Variants in GPHN observed in about 807,000 individuals in gnomAD.
The protein encoded by GPHN is gephyrin.
In GPHN, 17 loss-of-function variants were observed where a neutral mutation model predicts 95.5. That is an observed-to-expected ratio of 0.18 (90% CI 0.12 to 0.27). The LOEUF is 0.27. Among genes scored for constraint, GPHN ranks in the 10% least tolerant of loss-of-function variants. GPHN has a pLI of 1.00. For synonymous variants in GPHN, 320 were observed against 322.5 expected (o/e 0.99, Z 0.08); for missense variants, 660 against 978.1 (o/e 0.67, Z 4.34).
At chr14:66,844,146 A>G (rs72728688) in intron 4 of GPHN, among the ~76,000 whole-genome samples, 3,683 of 152,236 alleles carry the variant, frequency 0.024, 69 homozygotes, top group Non-Finnish European at 0.036. Context: ...CTTTGAGAAT[A>G]TCATTTCTCA....
the GPHN span, among the ~76,000 whole-genome samples, chr14:67,190,998 C>A: frequency 6.6e-6 from 1 of 152,332 alleles, no homozygotes; most frequent in Admixed American, 6.5e-5. Context: ...CTTTGGGAGG[C>A]TGAGGCAGGT....
chr14:67,378,469 T>G, the GPHN span, among the ~76,000 whole-genome samples: 1 of 152,132 alleles, frequency 6.6e-6, no homozygotes, highest in African/African-American at 2.4e-5. Context: ...AAGCTGAGAT[T>G]AAATAATTTG....
At chr14:67,686,353 A>T in the GPHN span, 3 of 152,342 alleles carry the variant, frequency 2.0e-5, no homozygotes, top group East Asian at 3.9e-4. Flanking sequence ...AGAGTGCCTG[A>T]TGCAGCTGGG....
intron 12 of GPHN, among the ~76,000 whole-genome samples, chr14:67,095,617 A>C (rs890458054): frequency 3.3e-5 from 5 of 151,880 alleles, no homozygotes; most frequent in African/African-American, 4.8e-5. Context: ...CGATGAGTTC[A>C]TGTCCTTTGT....
the GPHN span, among the ~76,000 whole-genome samples, chr14:67,485,311 G>A: frequency 2.0e-5 from 3 of 152,076 alleles, no homozygotes; most frequent in Non-Finnish European, 4.4e-5. Flanking sequence ...CACCACCCTG[G>A]CTACAAATCA....
At chr14:67,209,126 G>C in the GPHN span, among the ~76,000 whole-genome samples, 1 of 152,306 alleles carries the variant, frequency 6.6e-6, no homozygotes, top group South Asian at 2.1e-4. Flanking sequence ...TTCAATGGCA[G>C]AGTTTACGTG....
chr14:67,598,582 C>T, the GPHN span, among the ~76,000 whole-genome samples: 32 of 152,128 alleles, frequency 2.1e-4, no homozygotes, highest in African/African-American at 7.2e-4. Flanking sequence ...TCTATTTCCT[C>T]CTCCTCACAT....
At chr14:66,827,727 T>C (rs2061434463) in intron 4 of GPHN, among the ~76,000 whole-genome samples, 1 of 152,138 alleles carries the variant, frequency 6.6e-6, no homozygotes, top group East Asian at 1.9e-4. Context: ...CTTTAGAATC[T>C]TGTTAAATTA....
the GPHN span, among the ~76,000 whole-genome samples, chr14:67,573,054 T>A: frequency 6.6e-6 from 1 of 152,238 alleles, no homozygotes; most frequent in Non-Finnish European, 1.5e-5. This position sits in a 1 kb window ranked among gnomAD's most constrained non-coding sequence, Gnocchi z 4.8. Context: ...CTTCCCCAGC[T>A]AGCATGGGAG....
At chr14:67,618,965 A>C in the GPHN span, among the ~76,000 whole-genome samples, 1 of 152,352 alleles carries the variant, frequency 6.6e-6, no homozygotes. Context: ...TATGTAAAAA[A>C]TTAATTTGGT....
chr14:67,585,400 G>C, the GPHN span: 1 of 593,302 alleles, frequency 1.7e-6, no homozygotes, highest in African/African-American at 1.9e-5. Flanking sequence ...AAGCAGCCTT[G>C]TCTATTTCCT....
intron 2 of GPHN, among the ~76,000 whole-genome samples, chr14:66,716,113 A>G (rs2153424902): frequency 6.6e-6 from 1 of 152,138 alleles, no homozygotes; most frequent in East Asian, 1.9e-4. Context: ...AAAGTTCCCC[A>G]CTATTATTGT....
the GPHN span, among the ~76,000 whole-genome samples, chr14:67,407,493 T>G: frequency 6.6e-6 from 1 of 151,534 alleles, no homozygotes; most frequent in Non-Finnish European, 1.5e-5. Flanking sequence ...GAGGCTGGAG[T>G]GCAGTGGCAT....
At chr14:66,689,882 C>T (rs999948680) in intron 2 of GPHN, among the ~76,000 whole-genome samples, 12 of 151,586 alleles carry the variant, frequency 7.9e-5, no homozygotes, top group East Asian at 1.9e-4. Context: ...TGTCATTTTT[C>T]CATTCTGATT....
At chr14:67,392,707 A>C in the GPHN span, 1 of 1,614,104 alleles carries the variant, frequency 6.2e-7, no homozygotes, top group Non-Finnish European at 8.5e-7. Flanking sequence ...GCTCGGCCAG[A>C]TCCCCAGAGC....
chr14:67,609,975 C>G, the GPHN span, among the ~76,000 whole-genome samples: 2 of 152,118 alleles, frequency 1.3e-5, no homozygotes, highest in Non-Finnish European at 2.9e-5. Context: ...TCCTTTCAAC[C>G]TTGGGAGGGA....
intron 4 of GPHN, among the ~76,000 whole-genome samples, chr14:66,840,150 G>T (rs1253118253): frequency 6.6e-6 from 1 of 151,964 alleles, no homozygotes; most frequent in African/African-American, 2.4e-5. Flanking sequence ...ATGATGACAT[G>T]CCCCTGTAAT....
At chr14:66,540,940 AT>A (rs762497506) in intron 1 of GPHN, among the ~76,000 whole-genome samples, 1 of 150,518 alleles carries the variant, frequency 6.6e-6, no homozygotes, top group African/African-American at 2.4e-5. Flanking sequence ...TGCCTGGCTA[AT>A]TTTTTTTTCT....
At chr14:67,359,603 C>A in the GPHN span, 10 of 1,604,700 alleles carry the variant, frequency 6.2e-6, no homozygotes, top group African/African-American at 1.2e-4. Flanking sequence ...TCTGAAGGGA[C>A]CGCGCTCCGG....
Sources: allele counts gnomAD v4.1 joint callset (sites outside exome capture counted in the v4.1 genomes callset), GRCh38; gene constraint gnomAD v4.1.1; non-coding constraint Gnocchi (gnomAD v3.1); transcripts MANE v1.5; gene names NCBI Gene and HGNC (gene_info 2026-07-23, HGNC 2026-07-21).